ZNF585B: variants seen among roughly 807,000 people sequenced by gnomAD.
ZNF585B encodes the protein zinc finger protein 585B, also known as zinc finger protein 41-like protein.
ZNF585B carries 7 observed loss-of-function variants against 14.0 expected under a neutral mutation model. The observed-to-expected ratio is 0.50, with a 90% CI of 0.28 to 0.94. ZNF585B has a LOEUF of 0.94. Among genes scored for constraint, ZNF585B ranks in the 40% least tolerant of loss-of-function variants. The pLI is 0.09. For synonymous variants in ZNF585B, 290 were observed against 317.3 expected (o/e 0.91, Z 0.91); for missense variants, 750 against 924.4 (o/e 0.81, Z 2.45).
At chr19:37,207,365 T>C in intron 1 of ZNF585B, 111 bp from the exon 2 acceptor site, 1 of 741,526 alleles carries the variant, frequency 1.3e-6, no homozygotes, top group South Asian at 2.9e-5. Context: ...TTCCCAAACG[T>C]AGGTATGCAT....
rs763107893 is a variant in ZNF585B at position 37,186,661 on chromosome 19, A to G, written c.876T>C (p.His292=). 16 of 1,614,086 alleles carry G rather than the reference A, an allele frequency of 9.9e-6. No individual in the cohort carries two copies. Among genetic ancestry groups the G allele is most frequent in the South Asian group, 9.9e-5 (9 of 91,082 alleles). Residue 292 remains histidine, a synonymous_variant, in exon 5 of 5, where the codon CAT becomes CAC. Coordinates refer to ENST00000532828, the MANE Select transcript of ZNF585B (RefSeq NM_152279.4). ...TGCATTCATATGGTTTTTCTCCACT[A>G]TGAATTCTTCGGTGTGCAATCAATT... The part of the protein sequence containing the change: ...KTQLIAHRRI[H]SGEKPYECNN...
intron 2 of ZNF585B, among the ~76,000 whole-genome samples, chr19:37,205,323 G>A (rs1972574604): frequency 6.6e-6 from 1 of 152,170 alleles, no homozygotes; most frequent in Non-Finnish European, 1.5e-5. Flanking sequence ...GAGGTTCACT[G>A]AGGTGCAGAT....
chr19:37,208,988 T>A, intron 1 of ZNF585B, among the ~76,000 whole-genome samples: 1 of 151,674 alleles, frequency 6.6e-6, no homozygotes, highest in South Asian at 2.1e-4. Flanking sequence ...CAAGACTCTG[T>A]CTCAAAAAAA....
intron 2 of ZNF585B, among the ~76,000 whole-genome samples, chr19:37,202,293 G>A (rs997733506): frequency 2.0e-5 from 3 of 152,122 alleles, no homozygotes; most frequent in African/African-American, 7.2e-5. Context: ...GTGAGCCACG[G>A]CACCCGGCCT....
At chr19:37,202,639 G>GTT (rs1555779551) in intron 2 of ZNF585B, among the ~76,000 whole-genome samples, 1 of 142,174 alleles carries the variant, frequency 7.0e-6, no homozygotes. Context: ...ATATTTGCAT[G>GTT]GTTTTTTTTT....
At chr19:37,203,148 C>CT (rs1013461059) in intron 2 of ZNF585B, among the ~76,000 whole-genome samples, 2 of 152,078 alleles carry the variant, frequency 1.3e-5, no homozygotes, top group Non-Finnish European at 2.9e-5. Context: ...CTTTGCTTTT[C>CT]TTTTTTTAGT....
At chr19:37,200,354 A>G (rs1176114542) in intron 2 of ZNF585B, among the ~76,000 whole-genome samples, 1 of 151,680 alleles carries the variant, frequency 6.6e-6, no homozygotes, top group Non-Finnish European at 1.5e-5. Context: ...GCTCGAGACC[A>G]GCCTGGCCAA....
chr19:37,206,545 T>C (rs1599769656), intron 2 of ZNF585B, among the ~76,000 whole-genome samples: 1 of 151,662 alleles, frequency 6.6e-6, no homozygotes, highest in African/African-American at 2.4e-5. Flanking sequence ...AGAAGCTCAA[T>C]AGAAGGGCTG....
At chr19:37,201,219 C>T (rs1972528053) in intron 2 of ZNF585B, among the ~76,000 whole-genome samples, 1 of 152,014 alleles carries the variant, frequency 6.6e-6, no homozygotes, top group South Asian at 2.1e-4. Flanking sequence ...CAAGAACCTC[C>T]ACCTTAATAT....
chr19:37,183,434 A>G lies in ZNF585B; in HGVS notation c.*1793T>C, dbSNP rs1218707133. The G allele has an allele frequency of 6.6e-6, 1 of 152,194 alleles. No homozygotes were observed. Among genetic ancestry groups the G allele is most frequent in the Non-Finnish European group, 1.5e-5 (1 of 68,044 alleles). 9.4% of individuals were successfully genotyped at this position (152,194 alleles called of 1,614,324 possible). ...ATGGCAGTCATGGGTCTAGACTCAT[A>G]GTGGTGAACAAAAGGGAAATATTTT... On this transcript the variant is annotated 3_prime_UTR_variant, in exon 5 of 5. Coordinates refer to ENST00000532828, the MANE Select transcript of ZNF585B (RefSeq NM_152279.4).
In ZNF585B at chr19:37,183,095, C is replaced by G. The variant is rs1280838758; in HGVS notation, c.*2132G>C. Reference sequence around the variant, plus strand: ...GGAAAAATGAGCAGGGAGTCTTTTGCAATCATGTTGGAGCTGTGGGATTCT... The same window carrying G: ...GGAAAAATGAGCAGGGAGTCTTTTGGAATCATGTTGGAGCTGTGGGATTCT... On this transcript the variant is annotated 3_prime_UTR_variant, in exon 5 of 5. Transcript: ENST00000532828. 2 of 152,152 alleles carry G rather than the reference C, an allele frequency of 1.3e-5. No individual in the cohort carries two copies. The highest frequency in any genetic ancestry group is 2.9e-5 in the Non-Finnish European group (2 of 68,054). 9.4% of individuals were successfully genotyped at this position (152,152 alleles called of 1,614,324 possible).
chr19:37,198,749 A>G (rs983162126), intron 2 of ZNF585B, among the ~76,000 whole-genome samples: 3 of 150,214 alleles, frequency 2.0e-5, no homozygotes, highest in African/African-American at 4.9e-5. Flanking sequence ...AAAAAGAAAA[A>G]AAAAAAAAAA....
At position 37,186,688 on chromosome 19, in the gene ZNF585B, T is replaced by G. The variant is rs1192659178; in HGVS notation, c.849A>C (p.Thr283=). ...GAATTCTTCGGTGTGCAATCAATTG[T>G]GTTTTCTGGATGAAGGCCTGCCCGC... ...IECGQAFIQK[T]QLIAHRRIHS... is the part of the protein sequence containing the mutation. The change falls in exon 5 of 5, where the codon ACA becomes ACC. Residue 283 remains threonine, a synonymous_variant. Coordinates refer to ENST00000532828, the MANE Select transcript of ZNF585B (RefSeq NM_152279.4). The G allele has an allele frequency of 5.0e-6, 8 of 1,614,226 alleles. No individual in the cohort carries two copies. The highest frequency in any genetic ancestry group is 2.2e-5 in the East Asian group (1 of 44,888).
chr19:37,206,920 C>T (rs1286546274), intron 2 of ZNF585B, 120 bp downstream of exon 2: 1 of 1,262,606 alleles, frequency 7.9e-7, no homozygotes, highest in Non-Finnish European at 1.1e-6. Flanking sequence ...TCAGGAGCAC[C>T]AAGTCTAGAG....
rs1422099645 is a variant in ZNF585B, at chr19:37,184,422, G to GAA, written c.*803_*804dup. On this transcript the variant is annotated 3_prime_UTR_variant, in exon 5 of 5. Transcript: ENST00000532828. Reference sequence around the variant, plus strand: ...AAAGAAAGAAAGAAAGAAAGAGAAAGAAAGAAAAAGAAAGAAAGAAGGAAA... The same window carrying GAA: ...AAAGAAAGAAAGAAAGAAAGAGAAAGAAAAAGAAAAAGAAAGAAAGAAGGAAA... The GAA allele has an allele frequency of 1.7e-4, 13 of 74,920 alleles. No individual in the cohort carries two copies. The highest frequency in any genetic ancestry group is 8.3e-4 in the African/African-American group (13 of 15,702). 4.6% of individuals were successfully genotyped at this position (74,920 alleles called of 1,614,324 possible).
intron 4 of ZNF585B, among the ~76,000 whole-genome samples, chr19:37,188,616 C>T (rs932266475): frequency 2.0e-5 from 3 of 152,156 alleles, no homozygotes; most frequent in Non-Finnish European, 4.4e-5. Context: ...TTGCAGTGAG[C>T]CAAGATTGCG....
In ZNF585B at chr19:37,186,606, A is replaced by C; in HGVS notation, c.931T>G (p.Ser311Ala). ...NNCGKSFISK[S>A]QLQVHQRVHT... ...ACACGTTGATGTACCTGAAGTTGTG[A>C]CTTGGAAATGAAGGATTTGCCACAG... is the stretch of plus-strand genomic sequence containing the variant. Residue 311 changes from serine (S) to alanine (A), a missense_variant, in exon 5 of 5, where the codon TCA (serine) becomes GCA (alanine). This residue lies in a region of ZNF585B where 517 missense variants were observed against 570.3 expected (regional missense o/e 0.91). Coordinates refer to ENST00000532828, the MANE Select transcript of ZNF585B (RefSeq NM_152279.4). The C allele has an allele frequency of 6.2e-7, 1 of 1,614,218 alleles. No individual in the cohort carries two copies. The highest frequency in any genetic ancestry group is 8.5e-7 in the Non-Finnish European group (1 of 1,180,036).
In ZNF585B at chr19:37,187,245, C is replaced by T; in HGVS notation, c.293-1G>A. 1 of 1,593,966 alleles carries T rather than the reference C, an allele frequency of 6.3e-7. No individual in the cohort carries two copies. Among genetic ancestry groups the T allele is most frequent in the South Asian group, 1.1e-5 (1 of 87,684 alleles). On this transcript the variant is annotated splice_acceptor_variant, in intron 4 of 4. Coordinates refer to ENST00000532828, the MANE Select transcript of ZNF585B (RefSeq NM_152279.4). LOFTEE classifies it high-confidence loss of function. ...TGATTATGGTCCCATAATTTCTCTC[C>T]TGTTGGAGTACATTCACAGTAAGTA...
Position 37,201,401 on chromosome 19 carries a change from T to C in ZNF585B, c.72+5639A>G, listed in dbSNP as rs1972529636. 2.0e-5 allele frequency among the ~76,000 whole-genome samples: 3 copies of C among 152,246 alleles called. No individual in the cohort carries two copies. The South Asian group carries it at 6.2e-4, about 32-fold the overall frequency. On this transcript the variant is annotated intron_variant, in intron 2 of 4. Transcript: ENST00000532828. ...TACATTGGTGGTGGGAAACTTTACA[T>C]AATATCTCCCAGCTCCATTTGATAA...
Sources: gnomAD v4.1 joint callset for allele counts (sites outside exome capture counted in the v4.1 genomes callset) on GRCh38, gnomAD v4.1.1 for gene constraint, gnomAD v4.1.1 regional missense constraint, MANE v1.5 for transcripts, NCBI Gene and HGNC (gene_info 2026-07-23, HGNC 2026-07-21) for gene names.